Variants in URGCP observed in about 807,000 individuals in gnomAD.
The protein encoded by URGCP is upregulator of cell proliferation, also known as up-regulator of cell proliferation.
A neutral mutation model predicts 24.6 loss-of-function variants in URGCP; 13 were observed. The ratio of observed to expected loss-of-function variants is 0.53; its 90% confidence interval spans 0.34 to 0.84. The LOEUF is 0.84. URGCP is among the 40% of genes least tolerant of loss of function. The pLI, the probability that URGCP is intolerant of heterozygous loss-of-function variation, is 0.01. For missense variants in URGCP, 899 were observed against 1,194.3 expected (o/e 0.75, Z 3.64); for synonymous variants, 444 against 487.2 (o/e 0.91, Z 1.17).
chr7:43,915,192 AT>A (rs1197998334), intron 1 of URGCP, among the ~76,000 whole-genome samples: 1 of 152,102 alleles, frequency 6.6e-6, no homozygotes, highest in Non-Finnish European at 1.5e-5. Flanking sequence ...TGTGTGCCTA[AT>A]TTTTCCTAGT....
Position 43,877,744 on chromosome 7 carries a change from G to A in URGCP, c.1719C>T (p.Gly573=). ...KQYFLRWMEW[G]LARVAQPRLR... is the part of the protein sequence containing the mutation. ...GTCGCGGCTGGGCCACCCGTGCCAG[G>A]CCCCACTCCATCCACCTCAGGAAGT... Residue 573 remains glycine (G), a synonymous_variant, in exon 6 of 6, where the codon GGC becomes GGT. Transcript: ENST00000453200. The A allele has an allele frequency of 1.9e-6, 3 of 1,607,316 alleles. No individual in the cohort carries two copies. The South Asian group carries it at 3.3e-5, about 18-fold the overall frequency.
At chr7:43,919,149 T>C in intron 1 of URGCP, 1 of 861,860 alleles carries the variant, frequency 1.2e-6, no homozygotes, top group Non-Finnish European at 2.0e-6. Context: ...CCTGGGCTCC[T>C]ACCTCTTAGA....
In URGCP at chr7:43,876,346, C is replaced by T. The variant is rs1036914041; in HGVS notation, c.*321G>A. The T allele has an allele frequency of 4.2e-5, 13 of 305,944 alleles. No individual in the cohort carries two copies. The highest frequency in any genetic ancestry group is 1.9e-4 in the Admixed American group (4 of 21,144). The allele number at this position is 305,944 out of a possible 1,614,324, so 19.0% of individuals were successfully genotyped here. ...GTGACTAAGGACGCTGCTCCCACTC[C>T]AGGGGCCAGTGACAGAGAGCAGCTA... On this transcript the variant is annotated 3_prime_UTR_variant, in exon 6 of 6. Coordinates refer to ENST00000453200, the MANE Select transcript of URGCP (RefSeq NM_001077663.3).
intron 1 of URGCP, among the ~76,000 whole-genome samples, chr7:43,896,003 T>C (rs1285077290): frequency 2.0e-5 from 3 of 152,020 alleles, no homozygotes; most frequent in East Asian, 1.9e-4. Context: ...TATTTAGCCA[T>C]AAAAAAGAAT....
chr7:43,876,641 C>T lies in URGCP; in HGVS notation c.*26G>A. ...CAGGGCTGCCCACAGCAGCCTCCTACACCTGAACTGGGTTTCTCTGCACAC... is the reference window on the plus strand; with the variant it reads ...CAGGGCTGCCCACAGCAGCCTCCTATACCTGAACTGGGTTTCTCTGCACAC... On this transcript the variant is annotated 3_prime_UTR_variant, in exon 6 of 6. Transcript: ENST00000453200. 1.2e-6 allele frequency: 2 copies of T among 1,603,498 alleles called. No individual in the cohort carries two copies. Among genetic ancestry groups the T allele is most frequent in the South Asian group, 2.2e-5 (2 of 89,080 alleles).
chr7:43,881,193 T>C (rs1225302714), intron 5 of URGCP: 7 of 702,550 alleles, frequency 1.0e-5, no homozygotes, highest in African/African-American at 1.7e-5. Flanking sequence ...TAAAAGGCAA[T>C]GGGAAAAAGA....
intron 3 of URGCP, among the ~76,000 whole-genome samples, chr7:43,886,015 C>G (rs1390094331): frequency 1.3e-5 from 2 of 152,232 alleles, no homozygotes; most frequent in African/African-American, 4.8e-5. Flanking sequence ...CAATAATCCC[C>G]ATGGTGCCTA....
intron 1 of URGCP, among the ~76,000 whole-genome samples, chr7:43,925,560 T>C (rs2095928407): frequency 6.6e-6 from 1 of 152,120 alleles, no homozygotes; most frequent in East Asian, 1.9e-4. Flanking sequence ...AGTGCAACAG[T>C]GTGATCTCAG....
intron 3 of URGCP, among the ~76,000 whole-genome samples, chr7:43,885,201 A>G (rs371278057): frequency 1.3e-5 from 2 of 151,626 alleles, no homozygotes; most frequent in South Asian, 2.1e-4. Flanking sequence ...CCCAGGTTCG[A>G]GCGATTCTCC....
At chr7:43,883,615 C>G (rs2095858038) in intron 3 of URGCP, among the ~76,000 whole-genome samples, 1 of 151,872 alleles carries the variant, frequency 6.6e-6, no homozygotes, top group African/African-American at 2.4e-5. Context: ...CCTGCCTTGG[C>G]CTCACAGAGC....
intron 5 of URGCP, chr7:43,881,409 C>T: frequency 1.6e-6 from 1 of 608,386 alleles, no homozygotes. Context: ...TTATTAAAGG[C>T]AGTGAGTATG....
chr7:43,879,532 T>C (rs2095850816), intron 5 of URGCP: 5 of 386,254 alleles, frequency 1.3e-5, no homozygotes. Flanking sequence ...ATAAGCTACA[T>C]TTAACAACTG....
intron 1 of URGCP, among the ~76,000 whole-genome samples, chr7:43,897,659 T>C (rs1044790874): frequency 3.3e-5 from 5 of 152,042 alleles, no homozygotes; most frequent in African/African-American, 1.2e-4. Context: ...GGGGTAGCCA[T>C]GAAAGGGCCC....
chr7:43,907,707 A>C (rs1184164531), upstream of URGCP, among the ~76,000 whole-genome samples: 1 of 152,200 alleles, frequency 6.6e-6, no homozygotes, highest in Non-Finnish European at 1.5e-5. Flanking sequence ...TTGAAAAATA[A>C]GGCTAAAAAT....
chr7:43,918,240 C>A (rs1393437480), intron 1 of URGCP, among the ~76,000 whole-genome samples: 5 of 147,636 alleles, frequency 3.4e-5, no homozygotes, highest in Non-Finnish European at 7.4e-5. Context: ...CACTGCTGCA[C>A]TCCAGCCTGG....
upstream of URGCP, chr7:43,926,502 G>T: frequency 1.3e-6 from 2 of 1,506,498 alleles, no homozygotes; most frequent in Non-Finnish European, 8.9e-7. Context: ...AGCCCCGGCC[G>T]GGCCGCCCGG....
intron 1 of URGCP, among the ~76,000 whole-genome samples, chr7:43,911,734 C>G (rs1198021828): frequency 6.6e-6 from 1 of 152,050 alleles, no homozygotes; most frequent in African/African-American, 2.4e-5. Context: ...ATATGCACAG[C>G]ACTACTGAAC....
At chr7:43,887,962 C>G in intron 1 of URGCP, 146 bp from the exon 2 acceptor site, 1 of 598,462 alleles carries the variant, frequency 1.7e-6, no homozygotes, top group Non-Finnish European at 2.9e-6. Context: ...CTATGGATTT[C>G]TTTTGTGGAC....
intron 1 of URGCP, among the ~76,000 whole-genome samples, chr7:43,898,537 G>C (rs920780262): frequency 2.0e-5 from 3 of 152,092 alleles, no homozygotes; most frequent in Non-Finnish European, 4.4e-5. Flanking sequence ...AGTATCACTT[G>C]AGGTCAGGAG....
Sources: gnomAD v4.1 joint callset for allele counts (sites outside exome capture counted in the v4.1 genomes callset) on GRCh38, gnomAD v4.1.1 for gene constraint, MANE v1.5 for transcripts, NCBI Gene and HGNC (gene_info 2026-07-23, HGNC 2026-07-21) for gene names.